NSUN6: variants seen among roughly 807,000 people sequenced by gnomAD.
NSUN6 encodes the protein tRNA (cytosine(72)-C(5))-methyltransferase NSUN6.
Under a neutral mutation model 58.0 loss-of-function variants are expected in NSUN6, and 64 were observed. The observed-to-expected ratio is 1.10, with a 90% CI of 0.90 to 1.36. NSUN6 has a LOEUF of 1.36. Ranked by LOEUF, NSUN6 falls within the 40% of genes most tolerant of loss-of-function variation. The pLI, the probability that NSUN6 is intolerant of heterozygous loss-of-function variation, is 0.00. For missense variants in NSUN6, 701 were observed against 550.1 expected, an observed-to-expected ratio of 1.27 and a Z score of -2.74; for synonymous variants, 231 against 193.9, an observed-to-expected ratio of 1.19 and a Z score of -1.59.
At chr10:18,552,017 T>A in intron 8 of NSUN6, 46 bp from the exon 9 acceptor site, 2 of 1,210,232 alleles carry the variant, frequency 1.7e-6, no homozygotes, top group Non-Finnish European at 2.4e-6. Context: ...CATATAGGTT[T>A]AAACTAGAAA....
At chr10:18,616,340 G>A (rs774062858) in intron 3 of NSUN6, 47 bp from the exon 4 acceptor site, 3 of 1,134,318 alleles carry the variant, frequency 2.6e-6, no homozygotes, top group African/African-American at 1.5e-5. Context: ...TACCTCCAAT[G>A]CCTACCAATT....
At chr10:18,592,773 G>C (rs2057426977) in intron 7 of NSUN6, among the ~76,000 whole-genome samples, 1 of 152,086 alleles carries the variant, frequency 6.6e-6, no homozygotes, top group Non-Finnish European at 1.5e-5. Context: ...GAAAACCTAG[G>C]CATTACCATT....
chr10:18,626,632 A>T (rs11815892), intron 3 of NSUN6, among the ~76,000 whole-genome samples: 1 of 152,076 alleles, frequency 6.6e-6, no homozygotes, highest in Non-Finnish European at 1.5e-5. Context: ...GCTCAGCGTG[A>T]TGCCAGACGC....
intron 2 of NSUN6, among the ~76,000 whole-genome samples, chr10:18,647,166 G>A (rs1264313870): frequency 6.6e-6 from 1 of 152,174 alleles, no homozygotes; most frequent in East Asian, 1.9e-4. Context: ...ATGACAAAGA[G>A]TCCATAAATG....
intron 8 of NSUN6, among the ~76,000 whole-genome samples, chr10:18,570,085 T>C (rs942064650): frequency 1.3e-5 from 2 of 151,126 alleles, no homozygotes; most frequent in African/African-American, 4.9e-5. Flanking sequence ...TCCATTCCAT[T>C]CCACTGCCCA....
chr10:18,564,234 ACATTCCATTCTC>A (rs1297487557), intron 8 of NSUN6, among the ~76,000 whole-genome samples: 5 of 144,224 alleles, frequency 3.5e-5, no homozygotes, highest in Non-Finnish European at 3.1e-5. Flanking sequence ...ACTCTCTATT[ACATTCCATTCTC>A]CATTCCATTC....
intron 8 of NSUN6, among the ~76,000 whole-genome samples, chr10:18,560,731 G>A (rs552336819): frequency 4.8e-4 from 73 of 150,546 alleles, no homozygotes; most frequent in Non-Finnish European, 8.9e-4. Context: ...ATGGAATGGA[G>A]AATGGAATAG....
chr10:18,622,881 A>T (rs1450227338), intron 3 of NSUN6, among the ~76,000 whole-genome samples: 2 of 152,250 alleles, frequency 1.3e-5, no homozygotes, highest in Non-Finnish European at 1.5e-5. Context: ...AGGGAGGAGC[A>T]TTAATTGAGA....
intron 8 of NSUN6, among the ~76,000 whole-genome samples, chr10:18,574,452 A>C (rs529573412): frequency 6.6e-6 from 1 of 152,074 alleles, no homozygotes; most frequent in Non-Finnish European, 1.5e-5. Context: ...CACACGTTAG[A>C]TTTAATTTAT....
intron 3 of NSUN6, among the ~76,000 whole-genome samples, chr10:18,638,262 G>A (rs955878571): frequency 6.6e-6 from 1 of 152,112 alleles, no homozygotes; most frequent in Non-Finnish European, 1.5e-5. Context: ...GCCCAACATG[G>A]AGAAACCCCA....
chr10:18,553,163 C>G (rs2054721720), intron 8 of NSUN6, among the ~76,000 whole-genome samples: 1 of 151,032 alleles, frequency 6.6e-6, no homozygotes, highest in Non-Finnish European at 1.5e-5. Context: ...CCATTCCATT[C>G]TCCATTCCAT....
rs148057063 is a variant in NSUN6, at chr10:18,642,485, A to G, written c.302T>C (p.Ile101Thr). 617 of 1,506,818 alleles carry G rather than the reference A, an allele frequency of 4.1e-4. 1 individual carries two copies. The highest frequency in any genetic ancestry group is 7.0e-4 in the Middle Eastern group (4 of 5,738). 93.3% of individuals were successfully genotyped at this position (1,506,818 alleles called of 1,614,324 possible). Residue 101 changes from isoleucine (I) to threonine (T), a missense_variant, in exon 3 of 11, where the codon ATT becomes ACT. Physicochemically the swap from Ile to Thr is moderately conservative, Grantham distance 89. Transcript: ENST00000377304. ...DLQDVLLIPV[I>T]GPRKNIKKQQ... ...TGAAGTTCTTACAAACCTGGGTCCA[A>G]TAACAGGAATAAGTAACACATCTTG...
chr10:18,654,890 T>C (rs946496435), upstream of NSUN6: 51 of 185,684 alleles, frequency 2.7e-4, no homozygotes, highest in African/African-American at 1.2e-3. Context: ...AAAAAATAAA[T>C]AAAATTAAAA....
chr10:18,612,564 T>C lies in NSUN6; in HGVS notation c.575+1896A>G, dbSNP rs375479035. On this transcript the variant is annotated intron_variant, in intron 5 of 10. Transcript: ENST00000377304. Reference sequence around the variant, plus strand: ...TAAATGACTTTCTGACTTGCAGGACTCCAGTCCTCTAAAAAATACTGAAAC... The same window carrying C: ...TAAATGACTTTCTGACTTGCAGGACCCCAGTCCTCTAAAAAATACTGAAAC... Among the ~76,000 whole-genome samples the C allele has an allele frequency of 7.2e-4, 110 of 152,276 alleles. 1 individual carries two copies. The highest frequency in any genetic ancestry group is 2.6e-3 in the African/African-American group (109 of 41,538).
chr10:18,596,218 A>C lies in NSUN6; in HGVS notation c.767T>G (p.Met256Arg), dbSNP rs150026988. The change falls in exon 7 of 11, where the codon ATG becomes AGG. Residue 256 changes from methionine (M) to arginine (R), a missense_variant. Coordinates refer to ENST00000377304, the MANE Select transcript of NSUN6 (RefSeq NM_182543.5). ...GGKTTHIAAL[M>R]HDQGEVIALD... ...TGAAGACAGTCTCACCTGATCATGC[A>C]TTAGTGCTGCAATGTGTGTTGTTTT... 3.1e-6 allele frequency: 5 copies of C among 1,611,442 alleles called. No individual in the cohort carries two copies. The highest frequency in any genetic ancestry group is 4.2e-6 in the Non-Finnish European group (5 of 1,177,690).
At chr10:18,568,774 G>C (rs949585143) in intron 8 of NSUN6, among the ~76,000 whole-genome samples, 4 of 147,020 alleles carry the variant, frequency 2.7e-5, no homozygotes, top group African/African-American at 1.0e-4. Context: ...TTCCATTGCA[G>C]TCTCCCTAAC....
chr10:18,566,669 T>C (rs962581213), intron 8 of NSUN6, among the ~76,000 whole-genome samples: 5 of 151,350 alleles, frequency 3.3e-5, no homozygotes, highest in African/African-American at 4.8e-5. Context: ...CTCCATTCCA[T>C]TGAATGCTCC....
At chr10:18,571,277 C>T (rs1420382977) in intron 8 of NSUN6, among the ~76,000 whole-genome samples, 1 of 148,922 alleles carries the variant, frequency 6.7e-6, no homozygotes, top group Non-Finnish European at 1.5e-5. Flanking sequence ...CCCTTCCTTT[C>T]TCCATTCCAT....
intron 2 of NSUN6, among the ~76,000 whole-genome samples, chr10:18,646,132 T>A (rs947941821): frequency 5.3e-5 from 8 of 151,988 alleles, no homozygotes; most frequent in Admixed American, 1.3e-4. Flanking sequence ...GAGGCAGAGG[T>A]TGCAGTGAGC....
Sources: allele counts gnomAD v4.1 joint callset (sites outside exome capture counted in the v4.1 genomes callset), GRCh38; gene constraint gnomAD v4.1.1; transcripts MANE v1.5; gene names NCBI Gene and HGNC (gene_info 2026-07-23, HGNC 2026-07-21).